SLC38A11: variants seen among roughly 807,000 people sequenced by gnomAD.
SLC38A11 encodes putative sodium-coupled neutral amino acid transporter 11.
In SLC38A11, 51 loss-of-function variants were observed where a neutral mutation model predicts 49.4. That is an observed-to-expected ratio of 1.03 (90% CI 0.83 to 1.30). The LOEUF (loss-of-function observed/expected upper bound fraction) is 1.30, where lower values mean the gene tolerates loss of function less well. SLC38A11 is among the 50% of genes most tolerant of loss of function. SLC38A11 has a pLI of 0.00. For missense variants in SLC38A11, 574 were observed against 556.2 expected (o/e 1.03, Z -0.32); for synonymous variants, 203 against 192.9 (o/e 1.05, Z -0.43).
chr2:164,930,604 T>G (rs978872924), intron 7 of SLC38A11, among the ~76,000 whole-genome samples: 2 of 152,162 alleles, frequency 1.3e-5, no homozygotes, highest in African/African-American at 4.8e-5. Flanking sequence ...GTTCAATATA[T>G]GCAAATCAGT....
Position 164,917,379 on chromosome 2 carries a change from C to T in SLC38A11, c.618-1406G>A, listed in dbSNP as rs778493580. On this transcript the variant is annotated intron_variant, in intron 7 of 11. Transcript: ENST00000685975. ...ATCATCCTTTTTCCCATATATGAAA[C>T]GAGCAGTTACAGACACAAAGAAACT... Among the ~76,000 whole-genome samples, 9 of 152,150 alleles carry T rather than the reference C, an allele frequency of 5.9e-5. No homozygotes were observed. The East Asian group carries it at 7.7e-4, about 13-fold the overall frequency.
intron 3 of SLC38A11, 22 bp downstream of exon 3, chr2:164,952,685 A>G (rs755332844): frequency 6.6e-7 from 1 of 1,516,452 alleles, no homozygotes; most frequent in South Asian, 1.1e-5. Flanking sequence ...TTGCAGAAAT[A>G]AGAAATTATA....
chr2:164,944,626 TTA>T lies in SLC38A11; in HGVS notation c.371_372del (p.Ile124LysfsTer21). 1 of 1,282,116 alleles carries T rather than the reference TTA, an allele frequency of 7.8e-7. No individual in the cohort carries two copies. The highest frequency in any genetic ancestry group is 1.0e-6 in the Non-Finnish European group (1 of 981,598). 79.4% of individuals were successfully genotyped at this position (1,282,116 alleles called of 1,614,324 possible). On this transcript the variant is annotated frameshift_variant, in exon 5 of 12. Coordinates refer to ENST00000685975, the MANE Select transcript of SLC38A11 (RefSeq NM_001351537.2). LOFTEE classifies it high-confidence loss of function. ...GTATCTCCAGCTATTATATTGTAAC[TTA>T]TCATTGCTAAAAACATAATTAAAAT... Reference protein sequence around the residue: ...LQFLYPFIAMISYNIIAGDTL... With the variant: ...LQFLYPFIAMXSYNIIAGDTL...
At position 164,897,380 on chromosome 2, in the gene SLC38A11, T is replaced by C. The variant is rs1343397888; in HGVS notation, c.*1057A>G. 1 of 152,238 alleles carries C rather than the reference T, an allele frequency of 6.6e-6. No individual in the cohort carries two copies. Among genetic ancestry groups the C allele is most frequent in the African/African-American group, 2.4e-5 (1 of 41,450 alleles). 9.4% of individuals were successfully genotyped at this position (152,238 alleles called of 1,614,324 possible). ...AGTATCAAAACTGGGCTATTACCCT[T>C]GAACAGGGACAACTCTGATGGGTCA... On this transcript the variant is annotated 3_prime_UTR_variant, in exon 12 of 12. Transcript: ENST00000685975.
intron 5 of SLC38A11, among the ~76,000 whole-genome samples, chr2:164,940,366 A>G (rs1687681564): frequency 6.6e-6 from 1 of 150,998 alleles, no homozygotes. Context: ...TGCTAATTAA[A>G]ATAGTCATTT....
chr2:164,903,640 T>C (rs1017873860), intron 11 of SLC38A11, among the ~76,000 whole-genome samples: 8 of 152,198 alleles, frequency 5.3e-5, no homozygotes, highest in African/African-American at 1.9e-4. Context: ...CTATTTAATG[T>C]AGACTTGCTT....
chr2:164,915,545 C>T (rs1317702490), intron 8 of SLC38A11: 1 of 428,010 alleles, frequency 2.3e-6, no homozygotes, highest in Admixed American at 3.9e-5. Context: ...ATGACCCTTC[C>T]CATCTGAAGG....
intron 7 of SLC38A11, among the ~76,000 whole-genome samples, chr2:164,928,013 TA>T (rs1414194381): frequency 3.3e-5 from 5 of 152,154 alleles, no homozygotes; most frequent in African/African-American, 1.2e-4. Flanking sequence ...ATAAAATAAC[TA>T]ATGGTGGGTG....
intron 3 of SLC38A11, among the ~76,000 whole-genome samples, chr2:164,951,266 A>C: frequency 6.8e-6 from 1 of 147,370 alleles, no homozygotes; most frequent in African/African-American, 2.5e-5. Context: ...AATGCACTTA[A>C]ATAAACCATA....
chr2:164,928,727 C>A (rs1390207487), intron 7 of SLC38A11, among the ~76,000 whole-genome samples: 1 of 151,756 alleles, frequency 6.6e-6, no homozygotes, highest in Non-Finnish European at 1.5e-5. Flanking sequence ...ATGTTCTGAA[C>A]CTACTCCTAT....
Position 164,952,708 on chromosome 2 carries a change from T to C in SLC38A11, c.228A>G (p.Thr76=), listed in dbSNP as rs1266779717. The part of the protein sequence containing the change: ...ILLLFWVSYV[T]DFSLVLLIKG... ...ATAAGAAATTATATAGTATTTTACC[T>C]GTAACATATGAAACCCAGAATAAAA... Residue 76 remains threonine (T), a splice_region_variant and synonymous_variant, in exon 3 of 12, where the codon ACA becomes ACG. Coordinates refer to ENST00000685975, the MANE Select transcript of SLC38A11 (RefSeq NM_001351537.2). The C allele has an allele frequency of 1.2e-6, 2 of 1,602,856 alleles. No individual in the cohort carries two copies. Among genetic ancestry groups the C allele is most frequent in the African/African-American group, 2.7e-5 (2 of 74,594 alleles).
chr2:164,902,887 C>T (rs192243088), intron 11 of SLC38A11, among the ~76,000 whole-genome samples: 9 of 152,116 alleles, frequency 5.9e-5, no homozygotes, highest in East Asian at 5.8e-4. Flanking sequence ...CTTAAAAATA[C>T]CAAAATCATG....
At chr2:164,916,609 A>G (rs926576880) in intron 7 of SLC38A11, among the ~76,000 whole-genome samples, 1 of 152,106 alleles carries the variant, frequency 6.6e-6, no homozygotes, top group Admixed American at 6.6e-5. Context: ...AGAAGTTGAG[A>G]TTTATCTTCC....
chr2:164,942,092 G>T (rs938937636), intron 5 of SLC38A11, among the ~76,000 whole-genome samples: 1 of 151,934 alleles, frequency 6.6e-6, no homozygotes, highest in African/African-American at 2.4e-5. Context: ...ATAAATCGGC[G>T]CTACTTTTCG....
intron 11 of SLC38A11, among the ~76,000 whole-genome samples, chr2:164,903,026 A>T (rs931108753): frequency 6.6e-6 from 1 of 152,216 alleles, no homozygotes; most frequent in Non-Finnish European, 1.5e-5. Context: ...TATATTATGG[A>T]TTCCATAGAT....
At chr2:164,910,088 G>A (rs1253109630) in intron 10 of SLC38A11, among the ~76,000 whole-genome samples, 2 of 151,956 alleles carry the variant, frequency 1.3e-5, no homozygotes, top group Non-Finnish European at 2.9e-5. Context: ...ATTTTTGTCA[G>A]TCATACATTT....
chr2:164,898,775 A>G (rs1684470269), intron 11 of SLC38A11, 45 bp from the exon 12 acceptor site: 2 of 1,559,340 alleles, frequency 1.3e-6, no homozygotes, highest in East Asian at 2.3e-5. Flanking sequence ...CTAGATGGAA[A>G]CATTCTTCGG....
rs1366015742 is a variant in SLC38A11, at chr2:164,894,449, T to G, written c.*3988A>C. ...CAACCATGTAAATTCTTTATCTGAA[T>G]GACATTATCATTCATAACCCAGTTT... On this transcript the variant is annotated 3_prime_UTR_variant, in exon 12 of 12. Transcript: ENST00000685975. Among the ~76,000 whole-genome samples the G allele has an allele frequency of 6.6e-6, 1 of 152,210 alleles. No homozygotes were observed. The highest frequency in any genetic ancestry group is 1.5e-5 in the Non-Finnish European group (1 of 68,040).
chr2:164,952,277 G>A (rs1422669359), intron 3 of SLC38A11, among the ~76,000 whole-genome samples: 2 of 152,140 alleles, frequency 1.3e-5, no homozygotes, highest in African/African-American at 4.8e-5. Flanking sequence ...GGCTTGATGA[G>A]CCCTGCTGGT....
Sources: gnomAD v4.1 joint callset for allele counts (sites outside exome capture counted in the v4.1 genomes callset) on GRCh38, gnomAD v4.1.1 for gene constraint, MANE v1.5 for transcripts, NCBI Gene and HGNC (gene_info 2026-07-23, HGNC 2026-07-21) for gene names.